Variants in ENAH observed in about 807,000 individuals in gnomAD.
The protein encoded by ENAH is ENAH actin regulator.
A neutral mutation model predicts 78.7 loss-of-function variants in ENAH; 23 were observed. The observed-to-expected ratio is 0.29, with a 90% CI of 0.21 to 0.41. The LOEUF (loss-of-function observed/expected upper bound fraction) is 0.41, where lower values mean the gene tolerates loss of function less well. Ranked by LOEUF, ENAH falls within the 10% of genes least tolerant of loss-of-function variation. The pLI, the probability that ENAH is intolerant of heterozygous loss-of-function variation, is 1.00. For synonymous variants in ENAH, 226 were observed against 241.0 expected (o/e 0.94, Z 0.58); for missense variants, 544 against 691.0 (o/e 0.79, Z 2.39).
intron 4 of ENAH, among the ~76,000 whole-genome samples, chr1:225,529,073 C>A (rs2096525356): frequency 1.3e-5 from 2 of 152,308 alleles, no homozygotes; most frequent in South Asian, 4.1e-4. Context: ...CAACACTGCA[C>A]CTGCCTCAAG....
chr1:225,633,675 G>C lies in ENAH; in HGVS notation c.5+19011C>G, dbSNP rs571946940. Among the ~76,000 whole-genome samples the C allele has an allele frequency of 2.0e-5, 3 of 152,178 alleles. No homozygotes were observed. In the South Asian group the frequency reaches 6.2e-4, roughly 32 times the overall value. ...ACGACATGAATCTCATGGCTTATTC[G>C]AATCCATTAAATGAAATGATCCATG... On this transcript the variant is annotated intron_variant, in intron 1 of 13. Coordinates refer to ENST00000366843, the MANE Select transcript of ENAH (RefSeq NM_018212.6).
chr1:225,583,131 A>G (rs2096827524), intron 1 of ENAH, among the ~76,000 whole-genome samples: 1 of 152,178 alleles, frequency 6.6e-6, no homozygotes, highest in Non-Finnish European at 1.5e-5. Flanking sequence ...ATGAAGGCAA[A>G]TAAAGATATT....
intron 11 of ENAH, among the ~76,000 whole-genome samples, chr1:225,504,038 A>C (rs2096306099): frequency 6.7e-6 from 1 of 148,896 alleles, no homozygotes; most frequent in African/African-American, 2.5e-5. Context: ...AGAGGGTCTC[A>C]CTCTGTCACC....
chr1:225,509,561 C>A (rs553922280), intron 10 of ENAH, among the ~76,000 whole-genome samples: 96 of 152,232 alleles, frequency 6.3e-4, no homozygotes, highest in Non-Finnish European at 1.1e-3. Context: ...TACTGGCATG[C>A]GTATAGAGCT....
chr1:225,508,765 G>A (rs2151092313), intron 10 of ENAH, among the ~76,000 whole-genome samples: 1 of 152,348 alleles, frequency 6.6e-6, no homozygotes, highest in Admixed American at 6.5e-5. Context: ...AAAATCAGAA[G>A]TGGAATCTTC....
rs1384582678 is a variant in ENAH, at chr1:225,490,735, T to A, written c.*7040A>T. The A allele has an allele frequency of 6.6e-6, 1 of 152,226 alleles. No individual in the cohort carries two copies. Among genetic ancestry groups the A allele is most frequent in the African/African-American group, 2.4e-5 (1 of 41,470 alleles). The allele number at this position is 152,226 out of a possible 1,614,324, so 9.4% of individuals were successfully genotyped here. A position where few individuals can be genotyped will look rare whatever the true frequency, so the allele number is the denominator to read the frequency against. ...GATTTTAACAGGGCTTTCTTCTCAA[T>A]ATCTAAGCCTTCCCAATTACTTTCC... On this transcript the variant is annotated 3_prime_UTR_variant, in exon 14 of 14. Transcript: ENST00000366843.
chr1:225,532,087 T>C lies in ENAH; in HGVS notation c.350-1449A>G, dbSNP rs975221229. ...ATACACACGTAAATGTTTGTATAAA[T>C]GAAAATACATGATTGCTGTCTAGTA... On this transcript the variant is annotated intron_variant, in intron 3 of 13. Coordinates refer to ENST00000366843, the MANE Select transcript of ENAH (RefSeq NM_018212.6). Among the ~76,000 whole-genome samples the C allele has an allele frequency of 2.0e-5, 3 of 152,094 alleles. No homozygotes were observed. In the East Asian group the frequency reaches 5.8e-4, roughly 29 times the overall value.
chr1:225,527,739 C>T (rs1456215862), intron 4 of ENAH, among the ~76,000 whole-genome samples: 2 of 152,126 alleles, frequency 1.3e-5, no homozygotes, highest in Non-Finnish European at 2.9e-5. Flanking sequence ...GTGTTTGCAT[C>T]GCCTTGCCTT....
Position 225,496,158 on chromosome 1 carries a change from A to C in ENAH, c.*1617T>G, listed in dbSNP as rs1239290052. 1 of 152,654 alleles carries C rather than the reference A, an allele frequency of 6.6e-6. No individual in the cohort carries two copies. Among genetic ancestry groups the C allele is most frequent in the African/African-American group, 2.4e-5 (1 of 41,470 alleles). The allele number at this position is 152,654 out of a possible 1,614,324, so 9.5% of individuals were successfully genotyped here. A position where few individuals can be genotyped will look rare whatever the true frequency, so the allele number is the denominator to read the frequency against. On this transcript the variant is annotated 3_prime_UTR_variant, in exon 14 of 14. Coordinates refer to ENST00000366843, the MANE Select transcript of ENAH (RefSeq NM_018212.6). ...GCATAAATCAAGATGGAGAGCCTGG[A>C]GAGTTTCTTAAATTTTCCAAAAAGC...
At chr1:225,535,427 T>C in intron 3 of ENAH, 2 of 939,534 alleles carry the variant, frequency 2.1e-6, no homozygotes, top group Non-Finnish European at 3.0e-6. Flanking sequence ...GACTATGGCC[T>C]AAGAAAACAA....
chr1:225,563,276 A>G (rs2096717653), intron 2 of ENAH, among the ~76,000 whole-genome samples: 1 of 152,032 alleles, frequency 6.6e-6, no homozygotes, highest in Non-Finnish European at 1.5e-5. Flanking sequence ...TACTGCTTCT[A>G]TTTCTTAAAC....
At chr1:225,589,540 T>C (rs1199631875) in intron 1 of ENAH, among the ~76,000 whole-genome samples, 1 of 152,226 alleles carries the variant, frequency 6.6e-6, no homozygotes, top group Non-Finnish European at 1.5e-5. Flanking sequence ...TATTTACATA[T>C]AACCTATACA....
chr1:225,538,440 ATAT>A (rs1007716250), intron 3 of ENAH, among the ~76,000 whole-genome samples: 9 of 152,146 alleles, frequency 5.9e-5, no homozygotes, highest in Admixed American at 5.2e-4. Flanking sequence ...ATTTTCAAAA[ATAT>A]TATTTCAAAT....
At chr1:225,555,834 A>G (rs1221916070) in intron 2 of ENAH, among the ~76,000 whole-genome samples, 1 of 152,226 alleles carries the variant, frequency 6.6e-6, no homozygotes. Context: ...CTACATTTAT[A>G]TGAAATCCAA....
chr1:225,554,573 T>C (rs1575508320), intron 3 of ENAH, among the ~76,000 whole-genome samples: 1 of 152,340 alleles, frequency 6.6e-6, no homozygotes, highest in Non-Finnish European at 1.5e-5. Context: ...ATCCACTGCA[T>C]ATTCTCTGGG....
At chr1:225,625,795 C>T (rs1182083820) in intron 1 of ENAH, among the ~76,000 whole-genome samples, 1 of 152,232 alleles carries the variant, frequency 6.6e-6, no homozygotes, top group Non-Finnish European at 1.5e-5. Flanking sequence ...GGATTACAGG[C>T]ATGAGCCACC....
At position 225,514,871 on chromosome 1, in the gene ENAH, G is replaced by A; in HGVS notation, c.943C>T (p.Pro315Ser). 1 of 1,609,076 alleles carries A rather than the reference G, an allele frequency of 6.2e-7. No individual in the cohort carries two copies. Among genetic ancestry groups the A allele is most frequent in the Non-Finnish European group, 8.5e-7 (1 of 1,178,756 alleles). Residue 315 changes from proline to serine, a missense_variant, in exon 7 of 14, where the codon CCT becomes TCT. By Grantham distance (74) the Pro-to-Ser change is moderately conservative. Transcript: ENST00000366843. ...GGCCCTGGTGGGAGTGGTGGAGGAG[G>A]TGGAGGTGCAAGTGGTCCCAAGACA... ...GIVLGPLAPPPPPPLPPGPAQ... is the reference protein window; with the variant it reads ...GIVLGPLAPPSPPPLPPGPAQ...
intron 1 of ENAH, among the ~76,000 whole-genome samples, chr1:225,648,119 A>C (rs1558962127): frequency 1.3e-5 from 2 of 152,116 alleles, no homozygotes; most frequent in Non-Finnish European, 1.5e-5. Context: ...TTATCTGAAG[A>C]AGCATCCACT....
intron 2 of ENAH, among the ~76,000 whole-genome samples, chr1:225,560,171 C>CT (rs559062710): frequency 2.9e-3 from 427 of 145,408 alleles, no homozygotes; most frequent in East Asian, 8.0e-3. Flanking sequence ...CAAATCTGAA[C>CT]TTTTTTTTTT....
Sources: gnomAD v4.1 joint callset for allele counts (sites outside exome capture counted in the v4.1 genomes callset) on GRCh38, gnomAD v4.1.1 for gene constraint, MANE v1.5 for transcripts, NCBI Gene and HGNC (gene_info 2026-07-23, HGNC 2026-07-21) for gene names.